ADGRF1: variants seen among roughly 807,000 people sequenced by gnomAD.
ADGRF1 encodes the protein adhesion G protein-coupled receptor F1.
Under a neutral mutation model 87.2 loss-of-function variants are expected in ADGRF1, and 85 were observed. That is an observed-to-expected ratio of 0.97 (90% confidence interval 0.82 to 1.17). The LOEUF is 1.17. Among genes scored for constraint, ADGRF1 ranks in the 50% most tolerant of loss-of-function variants. The probability of loss-of-function intolerance (pLI) is 0.00; values close to 1 mark genes in which losing one functional copy is unlikely to be tolerated. For synonymous variants in ADGRF1, 430 were observed against 408.8 expected (o/e 1.05, Z -0.63); for missense variants, 1,169 against 1,077.2 (o/e 1.09, Z -1.19).
chr6:47,003,651 A>G (rs759528143), intron 13 of ADGRF1, among the ~76,000 whole-genome samples: 3 of 152,200 alleles, frequency 2.0e-5, no homozygotes, highest in Non-Finnish European at 4.4e-5. Flanking sequence ...CTTTGAATCC[A>G]TCTATGACGT....
At chr6:47,021,760 A>C (rs1400930029) in intron 6 of ADGRF1, among the ~76,000 whole-genome samples, 198 bp downstream of exon 6, 1 of 152,214 alleles carries the variant, frequency 6.6e-6, no homozygotes, top group Admixed American at 6.5e-5. Context: ...GAGAAGTGCA[A>C]AGAAGTCAGC....
chr6:47,010,376 G>A (rs1779670778), intron 10 of ADGRF1, 58 bp from the exon 11 acceptor site: 1 of 1,362,512 alleles, frequency 7.3e-7, no homozygotes, highest in Admixed American at 2.2e-5. Context: ...AAGAGGACCA[G>A]CAGTGGATAG....
At chr6:47,031,316 G>GTCTCTCTCTCTCTCTTCCC (rs2113905581) in intron 1 of ADGRF1, among the ~76,000 whole-genome samples, 2 of 94,316 alleles carry the variant, frequency 2.1e-5, no homozygotes, top group East Asian at 5.6e-4. Context: ...CTGTCTCTCT[G>GTCTCTCTCTCTCTCTTCCC]TCTCTCTCTC....
intron 13 of ADGRF1, among the ~76,000 whole-genome samples, chr6:47,003,022 C>T (rs992936846): frequency 1.3e-5 from 2 of 152,070 alleles, no homozygotes; most frequent in African/African-American, 2.4e-5. Flanking sequence ...TATCAAGGTT[C>T]GAACTCTCTA....
intron 8 of ADGRF1, 55 bp downstream of exon 8, chr6:47,016,562 A>G (rs1200881275): frequency 3.5e-6 from 5 of 1,415,388 alleles, no homozygotes; most frequent in Non-Finnish European, 4.7e-6. Context: ...ACACAAATGA[A>G]CTACTAATTA....
intron 10 of ADGRF1, 47 bp downstream of exon 10, chr6:47,011,960 A>G (rs1779719220): frequency 6.5e-7 from 1 of 1,543,158 alleles, no homozygotes; most frequent in South Asian, 1.1e-5. Context: ...TTCCTCCTAC[A>G]GGATCAAGCA....
Position 47,000,105 on chromosome 6 carries a change from C to G in ADGRF1, c.*117G>C, listed in dbSNP as rs1314577121. 4.2e-6 allele frequency: 3 copies of G among 711,450 alleles called. No homozygotes were observed. The highest frequency in any genetic ancestry group is 3.3e-5 in the South Asian group (2 of 59,722). 44.1% of individuals were successfully genotyped at this position (711,450 alleles called of 1,614,324 possible). ...GCCACTGAGACATTCTTGTTTTATT[C>G]CCAGACCCCTAAATCAGAAAACCCG... On this transcript the variant is annotated 3_prime_UTR_variant, in exon 15 of 15. Transcript: ENST00000371253.
chr6:47,025,143 G>A (rs1043798366), intron 4 of ADGRF1, among the ~76,000 whole-genome samples: 19 of 152,072 alleles, frequency 1.2e-4, no homozygotes, highest in Admixed American at 2.0e-4. Flanking sequence ...CACCGAAGTC[G>A]TCTTTTTTTT....
intron 7 of ADGRF1, chr6:47,020,274 C>T (rs996653154): frequency 8.3e-7 from 1 of 1,205,560 alleles, no homozygotes; most frequent in Non-Finnish European, 1.1e-6. Flanking sequence ...AGGCGGATCA[C>T]CTGAGGTCAG....
At chr6:47,016,559 T>C (rs940517991) in intron 8 of ADGRF1, 58 bp downstream of exon 8, 52 of 1,404,068 alleles carry the variant, frequency 3.7e-5, no homozygotes, top group Admixed American at 1.2e-4. Context: ...AGGACACAAA[T>C]GAACTACTAA....
In ADGRF1 at chr6:47,009,357, A is replaced by G. The variant is rs761923636; in HGVS notation, c.2078T>C (p.Met693Thr). Residue 693 changes from methionine to threonine, a missense_variant, in exon 11 of 15, where the codon ATG becomes ACG. Met to Thr is a moderately conservative substitution (Grantham distance 81, BLOSUM62 -1). Transcript: ENST00000371253. ...AACAGCCATCATCAAATGCTGGGCC[A>G]TGTGATGGAACACGAGGATGATCCG... ...AYRIILVFHH[M>T]AQHLMMAVGF... 1.2e-6 allele frequency: 2 copies of G among 1,614,182 alleles called. No homozygotes were observed. The highest frequency in any genetic ancestry group is 1.7e-6 in the Non-Finnish European group (2 of 1,180,016).
chr6:47,016,704 C>T lies in ADGRF1; in HGVS notation c.676G>A (p.Ala226Thr), dbSNP rs1050986673. ...GSSSASELLSAIEHVAEKAKT... is the reference protein window; with the variant it reads ...GSSSASELLSTIEHVAEKAKT... ...GCCTTCTCGGCAACATGTTCAATGG[C>T]TGACAGCAGTTCAGATGCACTGCTG... is the stretch of plus-strand genomic sequence containing the variant. The change falls in exon 8 of 15, where the codon GCC becomes ACC. Residue 226 changes from alanine to threonine, a missense_variant. By Grantham distance (58) the Ala-to-Thr change is moderately conservative. Coordinates refer to ENST00000371253, the MANE Select transcript of ADGRF1 (RefSeq NM_153840.4). 3 of 1,612,450 alleles carry T rather than the reference C, an allele frequency of 1.9e-6. No homozygotes were observed. The highest frequency in any genetic ancestry group is 2.7e-5 in the African/African-American group (2 of 74,910).
chr6:47,040,847 G>A (rs1780722147), intron 1 of ADGRF1, among the ~76,000 whole-genome samples: 1 of 152,164 alleles, frequency 6.6e-6, no homozygotes, highest in Non-Finnish European at 1.5e-5. Context: ...ACATTAGAAG[G>A]CACATTGTTG....
rs149265399 is a variant in ADGRF1 at position 47,028,996 on chromosome 6, C to T, written c.66G>A (p.Leu22=). The change falls in exon 2 of 15, where the codon CTG becomes CTA. Residue 22 remains leucine, a synonymous_variant. Coordinates refer to ENST00000371253, the MANE Select transcript of ADGRF1 (RefSeq NM_153840.4). ...FTFTDGHGGF[L]GKNDGIKTKK... is the part of the protein sequence containing the mutation. The stretch of plus-strand genomic sequence containing the variant: ...ATGAGACATAGCACCAACTCACCCC[C>T]AGGAAGCCACCGTGGCCGTCAGTGA... 6 of 1,613,644 alleles carry T rather than the reference C, an allele frequency of 3.7e-6. No homozygotes were observed. In the African/African-American group the frequency reaches 4.0e-5, roughly 11 times the overall value.
At chr6:47,019,263 C>G (rs1018678329) in intron 7 of ADGRF1, 1 of 948,620 alleles carries the variant, frequency 1.1e-6, no homozygotes, top group Non-Finnish European at 1.3e-6. Context: ...GTATGATCAA[C>G]TGTATAAACC....
chr6:47,006,962 G>A (rs1664886608), intron 12 of ADGRF1, among the ~76,000 whole-genome samples: 1 of 152,156 alleles, frequency 6.6e-6, no homozygotes, highest in African/African-American at 2.4e-5. Flanking sequence ...TTTTGCTATG[G>A]AATTACTGCC....
chr6:47,033,038 C>A (rs952126076), intron 1 of ADGRF1, among the ~76,000 whole-genome samples: 1 of 152,172 alleles, frequency 6.6e-6, no homozygotes, highest in Non-Finnish European at 1.5e-5. Flanking sequence ...CCCTTCCAAG[C>A]CGGAATGGTC....
At chr6:47,011,105 T>G (rs561121395) in intron 10 of ADGRF1, among the ~76,000 whole-genome samples, 1 of 152,220 alleles carries the variant, frequency 6.6e-6, no homozygotes, top group Non-Finnish European at 1.5e-5. Flanking sequence ...TGTTTTCTTT[T>G]GCTTTGTGTT....
chr6:47,031,883 A>G (rs1780441770), intron 1 of ADGRF1, among the ~76,000 whole-genome samples: 1 of 151,692 alleles, frequency 6.6e-6, no homozygotes, highest in African/African-American at 2.4e-5. Flanking sequence ...AATTCTTTTA[A>G]TTTTTTTTGT....
Sources: gnomAD v4.1 joint callset for allele counts (sites outside exome capture counted in the v4.1 genomes callset) on GRCh38, gnomAD v4.1.1 for gene constraint, MANE v1.5 for transcripts, NCBI Gene and HGNC (gene_info 2026-07-23, HGNC 2026-07-21) for gene names.